CTSS: variants seen among roughly 807,000 people sequenced by gnomAD.
CTSS encodes the protein cathepsin S.
In CTSS, 15 loss-of-function variants were observed where a neutral mutation model predicts 39.9. That is an observed-to-expected ratio of 0.38 (90% CI 0.25 to 0.58). The LOEUF is 0.58. CTSS is among the 20% of genes least tolerant of loss of function. The pLI is 0.70. For synonymous variants in CTSS, 126 were observed against 138.2 expected (o/e 0.91, Z 0.62); for missense variants, 250 against 398.2 (o/e 0.63, Z 3.17).
intron 6 of CTSS, among the ~76,000 whole-genome samples, chr1:150,748,534 A>G (rs587763354): frequency 6.7e-6 from 1 of 148,584 alleles, no homozygotes; most frequent in African/African-American, 2.5e-5. Flanking sequence ...GTATACAGGC[A>G]TATCTCATTT....
chr1:150,736,390 A>T (rs1364167234), intron 7 of CTSS, among the ~76,000 whole-genome samples: 1 of 152,148 alleles, frequency 6.6e-6, no homozygotes, highest in African/African-American at 2.4e-5. Flanking sequence ...TCCAAAGCCC[A>T]CTCTAACTTT....
intron 7 of CTSS, among the ~76,000 whole-genome samples, chr1:150,733,993 T>C (rs953111802): frequency 9.9e-5 from 15 of 152,056 alleles, no homozygotes; most frequent in African/African-American, 1.2e-4. Context: ...CAGATAGATA[T>C]ACAGTTATCA....
rs796450551 is a variant in CTSS at position 150,747,605 on chromosome 1, A to T, written c.896+172T>A. Among the ~76,000 whole-genome samples the T allele has an allele frequency of 2.0e-5, 3 of 152,190 alleles. No homozygotes were observed. In the South Asian group the frequency reaches 6.2e-4, roughly 31 times the overall value. ...AACAAAGTGATGAAGGCAGAATGGT[A>T]AGTGAAAAGATGGGGGCACTGAGTA... On this transcript the variant is annotated intron_variant, in intron 7 of 7. Coordinates refer to ENST00000368985, the MANE Select transcript of CTSS (RefSeq NM_004079.5).
At chr1:150,739,971 C>T (rs957454512) in intron 7 of CTSS, among the ~76,000 whole-genome samples, 1 of 152,214 alleles carries the variant, frequency 6.6e-6, no homozygotes, top group Non-Finnish European at 1.5e-5. Context: ...ATGGACTACA[C>T]ATGCACCTGC....
intron 7 of CTSS, among the ~76,000 whole-genome samples, chr1:150,737,919 CATG>C (rs1262393255): frequency 6.6e-6 from 1 of 152,088 alleles, no homozygotes; most frequent in Admixed American, 6.6e-5. Context: ...TAGAAATAAG[CATG>C]ATGTGTCAAG....
chr1:150,730,217 T>C lies in CTSS; in HGVS notation c.*2829A>G, dbSNP rs899266025. The stretch of plus-strand genomic sequence containing the variant: ...GAGAAAAGCATGCACATTTATTTAA[T>C]ATAAGTTTTACACGACACGAGGGGC... On this transcript the variant is annotated 3_prime_UTR_variant, in exon 8 of 8. Transcript: ENST00000368985. The C allele has an allele frequency of 1.3e-5, 2 of 152,072 alleles. No individual in the cohort carries two copies. Among genetic ancestry groups the C allele is most frequent in the African/African-American group, 4.8e-5 (2 of 41,380 alleles). The allele number at this position is 152,072 out of a possible 1,614,324, so 9.4% of individuals were successfully genotyped here.
chr1:150,754,940 C>A (rs1426029194), intron 4 of CTSS, 61 bp downstream of exon 4: 3 of 1,526,772 alleles, frequency 2.0e-6, no homozygotes. Flanking sequence ...AATTCTGTAG[C>A]TAGACTAAGC....
rs1015818245 is a variant in CTSS, at chr1:150,731,722, T to G, written c.*1324A>C. The G allele has an allele frequency of 6.6e-6, 1 of 152,302 alleles. No individual in the cohort carries two copies. Among genetic ancestry groups the G allele is most frequent in the Admixed American group, 6.5e-5 (1 of 15,294 alleles). 9.4% of individuals were successfully genotyped at this position (152,302 alleles called of 1,614,324 possible). A position where few individuals can be genotyped will look rare whatever the true frequency, so the allele number is the denominator to read the frequency against. ...CTGAATTAGATAAAAATATGAGCAG[T>G]GGAGTATTGGTTATTTTATTCTGGT... On this transcript the variant is annotated 3_prime_UTR_variant, in exon 8 of 8. Transcript: ENST00000368985.
intron 7 of CTSS, among the ~76,000 whole-genome samples, chr1:150,745,215 A>T (rs1486496775): frequency 1.3e-5 from 2 of 152,196 alleles, no homozygotes; most frequent in African/African-American, 4.8e-5. Flanking sequence ...TATGGGTTGC[A>T]TTGTGTCCCC....
intron 4 of CTSS, among the ~76,000 whole-genome samples, chr1:150,754,427 T>A (rs1332036909): frequency 7.1e-6 from 1 of 141,382 alleles, no homozygotes; most frequent in Non-Finnish European, 1.5e-5. Context: ...CCTTATACTT[T>A]ACCTTTTTTT....
chr1:150,741,511 A>T (rs989189392), intron 7 of CTSS, among the ~76,000 whole-genome samples: 1 of 152,224 alleles, frequency 6.6e-6, no homozygotes, highest in African/African-American at 2.4e-5. Context: ...TACAATTCAC[A>T]TAAGTTGTGT....
In CTSS at chr1:150,744,846, A is replaced by G. The variant is rs1652860891; in HGVS notation, c.896+2931T>C. On this transcript the variant is annotated intron_variant, in intron 7 of 7. Transcript: ENST00000368985. ...GTAGATGCCTAGTAAGTGCTTGTTG[A>G]ATGAATGAGTGAAGAGAAGCAGATT... is the stretch of plus-strand genomic sequence containing the variant. 2.0e-5 allele frequency among the ~76,000 whole-genome samples: 3 copies of G among 151,532 alleles called. No individual in the cohort carries two copies. The Admixed American group carries it at 2.0e-4, about 10-fold the overall frequency.
intron 7 of CTSS, among the ~76,000 whole-genome samples, 173 bp downstream of exon 7, chr1:150,747,604 T>G (rs879733972): frequency 6.6e-6 from 1 of 152,126 alleles, no homozygotes; most frequent in Non-Finnish European, 1.5e-5. Flanking sequence ...GGCAGAATGG[T>G]AAGTGAAAAG....
intron 3 of CTSS, among the ~76,000 whole-genome samples, chr1:150,756,433 A>G (rs1027682529): frequency 2.0e-5 from 3 of 152,230 alleles, no homozygotes; most frequent in African/African-American, 7.2e-5. Flanking sequence ...ATTATTAAGC[A>G]TTTTGTACTG....
intron 3 of CTSS, 21 bp from the exon 4 acceptor site, chr1:150,755,171 C>T: frequency 6.2e-7 from 1 of 1,611,950 alleles, no homozygotes; most frequent in Non-Finnish European, 8.5e-7. Context: ...AATATACAGT[C>T]AGGCATTGTT....
Position 150,750,077 on chromosome 1 carries a change from G to A in CTSS, c.722C>T (p.Ala241Val), listed in dbSNP as rs1571100254. The stretch of plus-strand genomic sequence containing the variant: ...AGACACTGGGCCTTTATTGGCCACA[G>A]CTTCTTTCAGGACATCTTCTCTGCC... ...PYGREDVLKE[A>V]VANKGPVSVG... The change falls in exon 6 of 8, where the codon GCT becomes GTT. Residue 241 changes from alanine (A) to valine (V), a missense_variant. Physicochemically the swap from Ala to Val is moderately conservative, Grantham distance 64 (BLOSUM62 0). Coordinates refer to ENST00000368985, the MANE Select transcript of CTSS (RefSeq NM_004079.5). 2 of 1,613,920 alleles carry A rather than the reference G, an allele frequency of 1.2e-6. No individual in the cohort carries two copies.
chr1:150,747,864 G>A lies in CTSS; in HGVS notation c.809C>T (p.Pro270Leu). ...FLYRSGVYYEPSCTQNVNHGV... is the reference protein window; with the variant it reads ...FLYRSGVYYELSCTQNVNHGV... Reference sequence around the variant, plus strand: ...ATGATTCACATTCTGAGTACAGGATGGTTCATAGTAGACACCTGAGAATCA... The same window carrying A: ...ATGATTCACATTCTGAGTACAGGATAGTTCATAGTAGACACCTGAGAATCA... Residue 270 changes from proline to leucine, a missense_variant, in exon 7 of 8, where the codon CCA becomes CTA. By Grantham distance (98) the Pro-to-Leu change is moderately conservative. Coordinates refer to ENST00000368985, the MANE Select transcript of CTSS (RefSeq NM_004079.5). The A allele has an allele frequency of 6.2e-7, 1 of 1,612,178 alleles. No individual in the cohort carries two copies. The highest frequency in any genetic ancestry group is 8.5e-7 in the Non-Finnish European group (1 of 1,178,510).
At chr1:150,758,002 C>G in intron 2 of CTSS, 22 bp from the exon 3 acceptor site, 1 of 1,608,236 alleles carries the variant, frequency 6.2e-7, no homozygotes, top group Non-Finnish European at 8.5e-7. Context: ...TGAAGAAGAA[C>G]ATAGTCATAC....
At chr1:150,749,964 T>G (rs1652976284) in intron 6 of CTSS, 42 bp downstream of exon 6, 1 of 1,530,542 alleles carries the variant, frequency 6.5e-7, no homozygotes, top group Admixed American at 1.8e-5. Flanking sequence ...TATCCTTTCT[T>G]TCTTTCTTTA....
Sources: gnomAD v4.1 joint callset for allele counts (sites outside exome capture counted in the v4.1 genomes callset) on GRCh38, gnomAD v4.1.1 for gene constraint, MANE v1.5 for transcripts, NCBI Gene and HGNC (gene_info 2026-07-23, HGNC 2026-07-21) for gene names.